The following EZH1 variants were observed in gnomAD, a reference collection of about 807,000 sequenced individuals.
EZH1 encodes the protein enhancer of zeste 1 polycomb repressive complex 2 subunit, also known as histone-lysine N-methyltransferase EZH1.
A neutral mutation model predicts 100.5 loss-of-function variants in EZH1; 33 were observed. The ratio of observed to expected loss-of-function variants is 0.33; its 90% CI spans 0.25 to 0.44. The LOEUF (loss-of-function observed/expected upper bound fraction) is 0.44, where lower values mean the gene tolerates loss of function less well. EZH1 is among the 20% of genes least tolerant of loss of function. EZH1 has a pLI of 1.00. For synonymous variants in EZH1, 272 were observed against 313.8 expected (o/e 0.87, Z 1.41); for missense variants, 475 against 928.4 (o/e 0.51, Z 6.35).
chr17:42,727,661 C>T lies in EZH1; in HGVS notation c.220G>A (p.Val74Met), dbSNP rs773976800. Reference sequence around the variant, plus strand: ...TTTTTGAGAAAAGGGTGTCCACTCACAGGCTTCATTGACTGAACAGGTTGG... The same window carrying T: ...TTTTTGAGAAAAGGGTGTCCACTCATAGGCTTCATTGACTGAACAGGTTGG... ...RVQPVQSMKP[V>M]SGHPFLKKCT... The change falls in exon 4 of 21, where the codon GTG becomes ATG. Residue 74 changes from valine (V) to methionine (M), a missense_variant. Physicochemically the swap from Val to Met is conservative, Grantham distance 21. Coordinates refer to ENST00000428826, the MANE Select transcript of EZH1 (RefSeq NM_001991.5). 4 of 1,613,152 alleles carry T rather than the reference C, an allele frequency of 2.5e-6. No individual in the cohort carries two copies. In the African/African-American group the frequency reaches 4.0e-5, roughly 16 times the overall value.
intron 7 of EZH1, among the ~76,000 whole-genome samples, chr17:42,719,419 T>C (rs868016471): frequency 1.3e-5 from 2 of 152,180 alleles, no homozygotes; most frequent in African/African-American, 4.8e-5. Context: ...AGTCTACATA[T>C]TAACAACAAA....
chr17:42,744,010 T>C lies in EZH1; in HGVS notation c.-103+1001A>G, dbSNP rs1292181444. On this transcript the variant is annotated intron_variant, in intron 1 of 20. Coordinates refer to ENST00000428826, the MANE Select transcript of EZH1 (RefSeq NM_001991.5). ...AACGTGGAGGAGACTCGCGTTTTCA[T>C]TGCCATCCTTGCACCCACCTAATTG... 2.0e-5 allele frequency among the ~76,000 whole-genome samples: 3 copies of C among 152,100 alleles called. No individual in the cohort carries two copies. The East Asian group carries it at 5.8e-4, about 29-fold the overall frequency.
intron 10 of EZH1, among the ~76,000 whole-genome samples, chr17:42,716,990 G>T (rs1021458595): frequency 2.0e-5 from 3 of 152,194 alleles, no homozygotes; most frequent in Admixed American, 1.3e-4. Flanking sequence ...GCACTACGAC[G>T]CCTGGCTGAA....
In EZH1 at chr17:42,728,900, G is replaced by A; in HGVS notation, c.42C>T (p.Tyr14=). The change falls in exon 3 of 21, where the codon TAC becomes TAT. Residue 14 remains tyrosine (Y), a synonymous_variant. Transcript: ENST00000428826. The stretch of plus-strand genomic sequence containing the variant: ...ATTCAGATTTCACTTTTCTTTTCCA[G>A]TAAGTGATACATTTGGAGGTAGGGG... ...PNPPTSKCIT[Y]WKRKVKSEYM... The A allele has an allele frequency of 1.2e-6, 2 of 1,613,258 alleles. No homozygotes were observed. Among genetic ancestry groups the A allele is most frequent in the South Asian group, 2.2e-5 (2 of 91,046 alleles).
chr17:42,732,180 G>A (rs1353804574), intron 1 of EZH1, among the ~76,000 whole-genome samples: 1 of 151,440 alleles, frequency 6.6e-6, no homozygotes, highest in African/African-American at 2.4e-5. Context: ...TAAATGATCA[G>A]GCAATGTGCA....
Position 42,706,706 on chromosome 17 carries a change from G to GA in EZH1, c.1661-522dup, listed in dbSNP as rs1008616621. On this transcript the variant is annotated intron_variant, in intron 15 of 20. Transcript: ENST00000428826. The surrounding 1 kb of genome is among the most constrained non-coding windows in gnomAD (Gnocchi z 4.4). The stretch of plus-strand genomic sequence containing the variant: ...CCTGTCTCAAAAAAATTTAAAAAAT[G>GA]AAAAAAAAAGCAGGTATACTAATAA... Among the ~76,000 whole-genome samples, 14 of 149,414 alleles carry GA rather than the reference G, an allele frequency of 9.4e-5. No homozygotes were observed. Among genetic ancestry groups the GA allele is most frequent in the Non-Finnish European group, 1.3e-4 (9 of 67,206 alleles).
chr17:42,718,271 A>C lies in EZH1; in HGVS notation c.931+183T>G. On this transcript the variant is annotated intron_variant, in intron 9 of 20. Coordinates refer to ENST00000428826, the MANE Select transcript of EZH1 (RefSeq NM_001991.5). This position sits in a 1 kb window ranked among gnomAD's most constrained non-coding sequence, Gnocchi z 4.2. ...CTGAGGGACAGATAAGTTGCTAGTT[A>C]GTCTGTCCCTATCATGCAAAGCATG... is the stretch of plus-strand genomic sequence containing the variant. 1.2e-6 allele frequency: 1 copy of C among 865,238 alleles called. No individual in the cohort carries two copies. Among genetic ancestry groups the C allele is most frequent in the Non-Finnish European group, 1.8e-6 (1 of 570,206 alleles). 53.6% of individuals were successfully genotyped at this position (865,238 alleles called of 1,614,324 possible).
At position 42,718,339 on chromosome 17, in the gene EZH1, T is replaced by G. The variant is rs2053643893; in HGVS notation, c.931+115A>C. 1.3e-5 allele frequency: 18 copies of G among 1,387,056 alleles called. No homozygotes were observed. The South Asian group carries it at 2.2e-4, about 17-fold the overall frequency. The allele number at this position is 1,387,056 out of a possible 1,614,324, so 85.9% of individuals were successfully genotyped here. The stretch of plus-strand genomic sequence containing the variant: ...AAGGGAAAATAGAACTGGCCCTTTG[T>G]AAAACGTTAGAACAGAAGCCAGGAA... On this transcript the variant is annotated intron_variant, in intron 9 of 20. Transcript: ENST00000428826. This position sits in a 1 kb window ranked among gnomAD's most constrained non-coding sequence, Gnocchi z 4.2.
chr17:42,719,876 T>C (rs1352113064), intron 7 of EZH1, among the ~76,000 whole-genome samples: 1 of 152,164 alleles, frequency 6.6e-6, no homozygotes, highest in Non-Finnish European at 1.5e-5. Context: ...ATAATTATGA[T>C]ACAATAAAAG....
At chr17:42,737,700 A>C (rs1432305187) in intron 1 of EZH1, among the ~76,000 whole-genome samples, 1 of 152,208 alleles carries the variant, frequency 6.6e-6, no homozygotes, top group Non-Finnish European at 1.5e-5. Context: ...TAAAAAGATT[A>C]ATCATTGGAA....
intron 1 of EZH1, among the ~76,000 whole-genome samples, chr17:42,738,503 G>A (rs1455645485): frequency 6.7e-6 from 1 of 150,350 alleles, no homozygotes; most frequent in Non-Finnish European, 1.5e-5. Context: ...TTACAGACGT[G>A]AGCCACCGTG....
At chr17:42,720,605 C>T (rs1193374833) in intron 6 of EZH1, among the ~76,000 whole-genome samples, 156 bp from the exon 7 acceptor site, 1 of 152,166 alleles carries the variant, frequency 6.6e-6, no homozygotes, top group African/African-American at 2.4e-5. Context: ...TTGATTGGCT[C>T]CTACACATGC....
intron 10 of EZH1, among the ~76,000 whole-genome samples, chr17:42,716,047 CAAAAA>C (rs35668797): frequency 2.8e-5 from 2 of 70,704 alleles, no homozygotes; most frequent in African/African-American, 5.0e-5. Flanking sequence ...AACTCTGTCT[CAAAAA>C]AAAAAAAAAA....
rs2053498752 is a variant in EZH1, at chr17:42,712,286, T to C, written c.1401+3A>G. On this transcript the variant is annotated splice_donor_region_variant and intron_variant, in intron 12 of 20. Coordinates refer to ENST00000428826, the MANE Select transcript of EZH1 (RefSeq NM_001991.5). ...CATTTGTTCTGCTGCTTCCAGATGGTACCTGCTTGCACGTCTTGGTCCCCA... is the reference window on the plus strand; with the variant it reads ...CATTTGTTCTGCTGCTTCCAGATGGCACCTGCTTGCACGTCTTGGTCCCCA... The C allele has an allele frequency of 6.2e-7, 1 of 1,613,172 alleles. No individual in the cohort carries two copies. The highest frequency in any genetic ancestry group is 8.5e-7 in the Non-Finnish European group (1 of 1,179,854).
chr17:42,714,520 C>CA, intron 10 of EZH1: 1 of 283,186 alleles, frequency 3.5e-6, no homozygotes, highest in East Asian at 8.4e-5. Flanking sequence ...AGCATGTCAG[C>CA]AGGGCCTATG....
intron 6 of EZH1, among the ~76,000 whole-genome samples, chr17:42,721,733 G>A (rs751559365): frequency 1.3e-5 from 2 of 152,044 alleles, no homozygotes; most frequent in African/African-American, 2.4e-5. Context: ...TTTTGGGCCA[G>A]GCATGTTGGC....
intron 20 of EZH1, 98 bp downstream of exon 20, chr17:42,702,779 T>C: frequency 7.3e-7 from 1 of 1,363,984 alleles, no homozygotes; most frequent in Non-Finnish European, 1.0e-6. Context: ...GACTCTCTCC[T>C]CCATCTCCAT....
chr17:42,704,083 A>G (rs2053300659), intron 18 of EZH1, among the ~76,000 whole-genome samples: 1 of 152,026 alleles, frequency 6.6e-6, no homozygotes, highest in South Asian at 2.1e-4. Context: ...GACGCTCAGC[A>G]CTCCTATTAC....
At chr17:42,727,589 A>T in intron 4 of EZH1, 46 bp downstream of exon 4, 1 of 1,577,692 alleles carries the variant, frequency 6.3e-7, no homozygotes, top group Non-Finnish European at 8.6e-7. Flanking sequence ...AAAAAGCTTT[A>T]AGCCCAAGGA....
Sources: gnomAD v4.1 joint callset for allele counts (sites outside exome capture counted in the v4.1 genomes callset) on GRCh38, gnomAD v4.1.1 for gene constraint, Gnocchi (gnomAD v3.1) non-coding constraint, MANE v1.5 for transcripts, NCBI Gene and HGNC (gene_info 2026-07-23, HGNC 2026-07-21) for gene names.